MBD5: variants seen among roughly 807,000 people sequenced by gnomAD.
MBD5 encodes the protein methyl-CpG binding domain protein 5.
Under a neutral mutation model 117.3 loss-of-function variants are expected in MBD5, and 13 were observed. That is an observed-to-expected ratio of 0.11 (90% CI 0.07 to 0.18). MBD5 has a LOEUF of 0.18. Among genes scored for constraint, MBD5 ranks in the 10% least tolerant of loss-of-function variants. The pLI, the probability that MBD5 is intolerant of heterozygous loss-of-function variation, is 1.00. For missense variants in MBD5, 1,879 were observed against 2,093.8 expected (o/e 0.90, Z 2.00); for synonymous variants, 727 against 766.4 (o/e 0.95, Z 0.85).
intron 4 of MBD5, among the ~76,000 whole-genome samples, chr2:148,383,375 T>C (rs543473206): frequency 1.1e-4 from 16 of 152,146 alleles, no homozygotes; most frequent in Non-Finnish European, 1.8e-4. Context: ...ATAAATTCCT[T>C]GACACATACA....
Position 148,469,226 on chromosome 2 carries a change from A to G in MBD5, c.1283A>G (p.His428Arg). 1 of 1,614,038 alleles carries G rather than the reference A, an allele frequency of 6.2e-7. No individual in the cohort carries two copies. The highest frequency in any genetic ancestry group is 8.5e-7 in the Non-Finnish European group (1 of 1,179,974). Residue 428 changes from histidine to arginine, a missense_variant, in exon 8 of 14, where the codon CAT becomes CGT. By Grantham distance (29) the His-to-Arg change is conservative (BLOSUM62 0). This residue lies in a region of MBD5 where 1,666 missense variants were observed against 1,792.2 expected (regional missense o/e 0.93). Coordinates refer to ENST00000642680, the MANE Select transcript of MBD5 (RefSeq NM_001378120.1). ...NHGSHVQRVQ[H>R]SASTSLSPSP... Reference sequence around the variant, plus strand: ...GGGAGTCATGTACAAAGAGTTCAGCATTCAGCTTCAACCTCCCTGTCCCCT... The same window carrying G: ...GGGAGTCATGTACAAAGAGTTCAGCGTTCAGCTTCAACCTCCCTGTCCCCT...
intron 1 of MBD5, among the ~76,000 whole-genome samples, chr2:148,168,696 T>C (rs1040253965): frequency 1.3e-5 from 2 of 152,030 alleles, no homozygotes; most frequent in African/African-American, 2.4e-5. Flanking sequence ...TGAGCCATGA[T>C]TGCGCTATTA....
intron 4 of MBD5, among the ~76,000 whole-genome samples, chr2:148,416,364 C>T (rs1001545905): frequency 2.0e-5 from 3 of 152,088 alleles, no homozygotes; most frequent in African/African-American, 7.2e-5. Context: ...AATCCACTGG[C>T]CATGGTGCTC....
chr2:148,491,297 CTTT>C (rs543680655), intron 11 of MBD5, among the ~76,000 whole-genome samples: 6 of 128,530 alleles, frequency 4.7e-5, no homozygotes, highest in African/African-American at 8.5e-5. Context: ...TCTTCTGGGC[CTTT>C]TTTTTTTTTT....
At chr2:148,475,075 T>C (rs925813333) in intron 8 of MBD5, among the ~76,000 whole-genome samples, 5 of 152,124 alleles carry the variant, frequency 3.3e-5, no homozygotes, top group African/African-American at 1.2e-4. Flanking sequence ...CAGTGTTATA[T>C]AGATTAATGT....
At chr2:148,130,824 C>T (rs1274164430) in intron 1 of MBD5, among the ~76,000 whole-genome samples, 1 of 152,158 alleles carries the variant, frequency 6.6e-6, no homozygotes, top group Non-Finnish European at 1.5e-5. Flanking sequence ...AATTTACTCA[C>T]TTAGTGATGG....
chr2:148,085,512 C>G (rs1263172541), intron 1 of MBD5, among the ~76,000 whole-genome samples: 6 of 151,846 alleles, frequency 4.0e-5, no homozygotes, highest in Non-Finnish European at 1.5e-5. Flanking sequence ...ATCACGAGGT[C>G]AGGAGATCGA....
At chr2:148,335,196 C>T (rs1333337126) in intron 3 of MBD5, among the ~76,000 whole-genome samples, 3 of 151,938 alleles carry the variant, frequency 2.0e-5, no homozygotes, top group East Asian at 3.9e-4. Context: ...CAAGACAAGC[C>T]TGGGCAACAA....
chr2:148,255,918 A>G (rs1223180619), intron 3 of MBD5, among the ~76,000 whole-genome samples: 1 of 152,214 alleles, frequency 6.6e-6, no homozygotes, highest in East Asian at 1.9e-4. Flanking sequence ...TTCTCCTCTC[A>G]GTCTCAACGG....
chr2:148,434,761 T>G (rs1025609110), intron 4 of MBD5, among the ~76,000 whole-genome samples: 3 of 152,190 alleles, frequency 2.0e-5, no homozygotes, highest in Admixed American at 1.3e-4. Context: ...TGTAGATGTC[T>G]GTTATGTCCG....
rs146476933 is a variant in MBD5 at position 148,505,390 on chromosome 2, G to A, written c.5036+2881G>A. 7.9e-5 allele frequency among the ~76,000 whole-genome samples: 12 copies of A among 152,298 alleles called. 1 individual carries two copies. The highest frequency in any genetic ancestry group is 2.9e-4 in the African/African-American group (12 of 41,544). ...ACTTTGACCAATTTGAAGAATAGTAGGCTAAGGATTGAACATGCAATAGAA... is the reference window on the plus strand; with the variant it reads ...ACTTTGACCAATTTGAAGAATAGTAAGCTAAGGATTGAACATGCAATAGAA... On this transcript the variant is annotated intron_variant, in intron 12 of 13. Coordinates refer to ENST00000642680, the MANE Select transcript of MBD5 (RefSeq NM_001378120.1).
At chr2:148,126,193 T>G (rs1324207926) in intron 1 of MBD5, among the ~76,000 whole-genome samples, 1 of 151,580 alleles carries the variant, frequency 6.6e-6, no homozygotes, top group African/African-American at 2.4e-5. Flanking sequence ...GTCAAGAGTT[T>G]GAGACCGGCC....
intron 4 of MBD5, among the ~76,000 whole-genome samples, chr2:148,363,605 G>T (rs1451435423): frequency 6.6e-6 from 1 of 152,082 alleles, no homozygotes; most frequent in African/African-American, 2.4e-5. Context: ...CTGTTCTGCA[G>T]CCTCTGCTGG....
At chr2:148,174,313 T>C (rs1698330493) in intron 1 of MBD5, among the ~76,000 whole-genome samples, 1 of 152,100 alleles carries the variant, frequency 6.6e-6, no homozygotes, top group African/African-American at 2.4e-5. Flanking sequence ...TCAAAATGGA[T>C]TAAAGACTTA....
chr2:148,272,058 G>A (rs1218335557), intron 3 of MBD5, among the ~76,000 whole-genome samples: 1 of 152,086 alleles, frequency 6.6e-6, no homozygotes, highest in Non-Finnish European at 1.5e-5. Context: ...TCTGTGCCTA[G>A]CTTATTTCAC....
intron 3 of MBD5, among the ~76,000 whole-genome samples, chr2:148,274,269 A>G (rs1701050207): frequency 6.6e-6 from 1 of 152,068 alleles, no homozygotes; most frequent in Non-Finnish European, 1.5e-5. Context: ...TGGGGTACAC[A>G]TGCAGAACGT....
chr2:148,293,139 C>T (rs1360770531), intron 3 of MBD5, among the ~76,000 whole-genome samples: 2 of 139,994 alleles, frequency 1.4e-5, no homozygotes, highest in Non-Finnish European at 3.1e-5. Flanking sequence ...CGTAGTGAAA[C>T]CTTGCCTCAA....
intron 3 of MBD5, among the ~76,000 whole-genome samples, chr2:148,298,327 G>GA (rs1701704329): frequency 3.3e-5 from 5 of 152,324 alleles, no homozygotes; most frequent in Admixed American, 1.3e-4. Flanking sequence ...GGGAGGTGGG[G>GA]AGAAGGGCAG....
At chr2:148,301,638 G>C (rs147621441) in intron 3 of MBD5, among the ~76,000 whole-genome samples, 119 of 152,236 alleles carry the variant, frequency 7.8e-4, no homozygotes, top group African/African-American at 2.8e-3. Context: ...GGGGAATTAC[G>C]TCCCTTTTCC....
Sources: gnomAD v4.1 joint callset for allele counts (sites outside exome capture counted in the v4.1 genomes callset) on GRCh38, gnomAD v4.1.1 for gene constraint, gnomAD v4.1.1 regional missense constraint, MANE v1.5 for transcripts, NCBI Gene and HGNC (gene_info 2026-07-23, HGNC 2026-07-21) for gene names.